The following RAPGEF6 variants were observed in gnomAD, a reference collection of about 807,000 sequenced individuals.
RAPGEF6 encodes Rap guanine nucleotide exchange factor 6.
In RAPGEF6, 56 loss-of-function variants were observed where a neutral mutation model predicts 171.4. The observed-to-expected ratio is 0.33, with a 90% CI of 0.26 to 0.41. RAPGEF6 has a LOEUF of 0.41. Among genes scored for constraint, RAPGEF6 ranks in the 10% least tolerant of loss-of-function variants. The pLI is 1.00. For missense variants in RAPGEF6, 1,674 were observed against 1,921.4 expected, an observed-to-expected ratio of 0.87 and a Z score of 2.41; for synonymous variants, 692 against 650.1, an observed-to-expected ratio of 1.06 and a Z score of -0.98.
At chr5:131,493,883 T>C (rs1299434188) in intron 13 of RAPGEF6, among the ~76,000 whole-genome samples, 1 of 152,186 alleles carries the variant, frequency 6.6e-6, no homozygotes, top group Non-Finnish European at 1.5e-5. Flanking sequence ...GGAGTACCTC[T>C]ATAACCTTTT....
chr5:131,486,955 C>T (rs1040791649), intron 15 of RAPGEF6, among the ~76,000 whole-genome samples: 13 of 152,112 alleles, frequency 8.5e-5, no homozygotes, highest in Admixed American at 8.5e-4. Context: ...TCCTGATTCT[C>T]CTTATGCTTG....
chr5:131,611,271 C>T (rs1198789487), intron 1 of RAPGEF6, among the ~76,000 whole-genome samples: 1 of 152,240 alleles, frequency 6.6e-6, no homozygotes, highest in Non-Finnish European at 1.5e-5. Flanking sequence ...CTGCTTCTAA[C>T]AGAACCCAGA....
intron 18 of RAPGEF6, among the ~76,000 whole-genome samples, chr5:131,462,984 T>C (rs965728434): frequency 1.6e-4 from 25 of 152,352 alleles, no homozygotes; most frequent in African/African-American, 6.0e-4. Context: ...AGGTATGGTA[T>C]ACTTAGTAAC....
At chr5:131,509,580 A>G (rs1488622005) in intron 8 of RAPGEF6, among the ~76,000 whole-genome samples, 2 of 152,158 alleles carry the variant, frequency 1.3e-5, no homozygotes, top group Admixed American at 6.5e-5. Context: ...ACATACATAT[A>G]TTTAAGCTAG....
chr5:131,571,102 G>A (rs533714995), intron 4 of RAPGEF6, among the ~76,000 whole-genome samples: 8 of 151,904 alleles, frequency 5.3e-5, no homozygotes, highest in Admixed American at 1.3e-4. Flanking sequence ...CCACCACACC[G>A]GGTTAATTTT....
intron 4 of RAPGEF6, among the ~76,000 whole-genome samples, chr5:131,575,148 C>T (rs888934431): frequency 1.3e-5 from 2 of 152,050 alleles, no homozygotes; most frequent in Admixed American, 1.3e-4. Flanking sequence ...TCCTTTGCAC[C>T]CCTCATTCCA....
intron 9 of RAPGEF6, among the ~76,000 whole-genome samples, chr5:131,506,714 C>G (rs902020669): frequency 6.6e-6 from 1 of 152,084 alleles, no homozygotes; most frequent in Non-Finnish European, 1.5e-5. Context: ...ATCCCCGTAT[C>G]TAGAACAGTA....
intron 6 of RAPGEF6, among the ~76,000 whole-genome samples, chr5:131,540,850 C>T (rs1336169802): frequency 6.6e-6 from 1 of 152,184 alleles, no homozygotes; most frequent in Non-Finnish European, 1.5e-5. Context: ...TTTAACTCTA[C>T]ATATGTACCA....
chr5:131,530,008 A>G (rs1759265344), intron 6 of RAPGEF6, among the ~76,000 whole-genome samples: 1 of 150,326 alleles, frequency 6.7e-6, no homozygotes, highest in South Asian at 2.1e-4. Context: ...CCCGGATTCA[A>G]GCGATTCTCC....
intron 4 of RAPGEF6, among the ~76,000 whole-genome samples, chr5:131,580,760 T>C (rs1465425165): frequency 1.3e-5 from 2 of 152,178 alleles, no homozygotes; most frequent in African/African-American, 4.8e-5. Context: ...CAGTACACCC[T>C]CTCACCTTTT....
At chr5:131,450,070 T>C in intron 21 of RAPGEF6, 2 of 1,537,682 alleles carry the variant, frequency 1.3e-6, no homozygotes, top group Non-Finnish European at 1.7e-6. Flanking sequence ...CCACAAACAT[T>C]GAAGCATGTG....
At chr5:131,523,684 T>C (rs1268134711) in intron 6 of RAPGEF6, among the ~76,000 whole-genome samples, 1 of 151,918 alleles carries the variant, frequency 6.6e-6, no homozygotes, top group Non-Finnish European at 1.5e-5. Context: ...AACCAGAGCC[T>C]GAGAAGAGCA....
chr5:131,635,140 C>T lies in RAPGEF6; in HGVS notation c.-110G>A, dbSNP rs1766561582. 1 of 1,168,600 alleles carries T rather than the reference C, an allele frequency of 8.6e-7. No individual in the cohort carries two copies. Among genetic ancestry groups the T allele is most frequent in the East Asian group, 2.7e-5 (1 of 36,872 alleles). The allele number at this position is 1,168,600 out of a possible 1,614,324, so 72.4% of individuals were successfully genotyped here. ...CCCCCGCCCCAAGGAGGGAACTTCG[C>T]GCCGTAACAAGGTCCGAACTCTAGC... On this transcript the variant is annotated 5_prime_UTR_variant, in exon 1 of 28. Transcript: ENST00000509018.
chr5:131,514,697 C>T (rs755040581), intron 7 of RAPGEF6, among the ~76,000 whole-genome samples: 1 of 151,956 alleles, frequency 6.6e-6, no homozygotes, highest in Non-Finnish European at 1.5e-5. Flanking sequence ...ACAAAAGCTA[C>T]CCAATCTGAA....
chr5:131,562,185 TAA>T (rs1561564452), intron 4 of RAPGEF6, 138 bp from the exon 5 acceptor site: 2 of 570,800 alleles, frequency 3.5e-6, no homozygotes, highest in African/African-American at 4.0e-5. Flanking sequence ...ATATTTATGT[TAA>T]GATTTTCTAA....
chr5:131,567,569 T>C (rs1426878222), intron 4 of RAPGEF6, among the ~76,000 whole-genome samples: 1 of 152,200 alleles, frequency 6.6e-6, no homozygotes, highest in Non-Finnish European at 1.5e-5. Flanking sequence ...CTGATATTGA[T>C]TTATAACAGA....
intron 7 of RAPGEF6, among the ~76,000 whole-genome samples, chr5:131,516,027 C>T (rs1468537276): frequency 2.3e-5 from 3 of 129,432 alleles, no homozygotes; most frequent in African/African-American, 5.7e-5. Context: ...CAGATTTTGA[C>T]TAGGACTCAG....
At chr5:131,450,261 T>A (rs143942440) in intron 21 of RAPGEF6, among the ~76,000 whole-genome samples, 1 of 152,190 alleles carries the variant, frequency 6.6e-6, no homozygotes, top group African/African-American at 2.4e-5. Flanking sequence ...CAAAATACTT[T>A]ATAAAAATAT....
At chr5:131,492,841 A>T in intron 13 of RAPGEF6, 56 bp from the exon 14 acceptor site, 1 of 1,497,756 alleles carries the variant, frequency 6.7e-7, no homozygotes, top group Non-Finnish European at 9.2e-7. Flanking sequence ...ATAGGTTTTT[A>T]AAAAGTCAAC....
Sources: gnomAD v4.1 joint callset for allele counts (sites outside exome capture counted in the v4.1 genomes callset) on GRCh38, gnomAD v4.1.1 for gene constraint, MANE v1.5 for transcripts, NCBI Gene and HGNC (gene_info 2026-07-23, HGNC 2026-07-21) for gene names.